Variants in CAPN14 observed in about 807,000 individuals in gnomAD.
The protein encoded by CAPN14 is calpain-14.
A neutral mutation model predicts 101.3 loss-of-function variants in CAPN14; 94 were observed. That is an observed-to-expected ratio of 0.93 (90% CI 0.79 to 1.10). The LOEUF (loss-of-function observed/expected upper bound fraction) is 1.10. Ranked by LOEUF, CAPN14 falls within the 50% of genes least tolerant of loss-of-function variation. The probability of loss-of-function intolerance (pLI) is 0.00; values close to 1 mark genes in which losing one functional copy is unlikely to be tolerated. For missense variants in CAPN14, 837 were observed against 828.4 expected (o/e 1.01, Z -0.13); for synonymous variants, 338 against 317.9 (o/e 1.06, Z -0.67).
chr2:31,221,809 G>C (rs771403724), upstream of CAPN14, among the ~76,000 whole-genome samples: 4 of 152,156 alleles, frequency 2.6e-5, no homozygotes, highest in Non-Finnish European at 5.9e-5. Context: ...AAGTGAATAA[G>C]ACATTGCGAC....
intron 1 of CAPN14, among the ~76,000 whole-genome samples, chr2:31,229,919 T>G (rs1373597208): frequency 6.6e-6 from 1 of 152,320 alleles, no homozygotes; most frequent in South Asian, 2.1e-4. Context: ...ATTAATGAAA[T>G]TGTATGATTC....
chr2:31,179,061 TA>T (rs61407932), intron 17 of CAPN14, among the ~76,000 whole-genome samples: 46,807 of 102,148 alleles, frequency 0.46, 9,316 homozygotes, highest in African/African-American at 0.65. Flanking sequence ...TATTGAGTTC[TA>T]TATATATATA....
In CAPN14 at chr2:31,200,544, G is replaced by A. The variant is rs1681702307; in HGVS notation, c.633C>T (p.Thr211=). Residue 211 remains threonine (T), a synonymous_variant, in exon 6 of 22, where the codon ACC becomes ACT. Coordinates refer to ENST00000403897, the MANE Select transcript of CAPN14 (RefSeq NM_001145122.2). ...LVDFTGGVTM[T]INLAEAHGNL... Reference sequence around the variant, plus strand: ...TGCCATGGGCTTCTGCCAGGTTGATGGTCATTGTCACCCCTCCAGTGAAGT... The same window carrying A: ...TGCCATGGGCTTCTGCCAGGTTGATAGTCATTGTCACCCCTCCAGTGAAGT... 5.8e-6 allele frequency: 9 copies of A among 1,551,470 alleles called. No individual in the cohort carries two copies. Among genetic ancestry groups the A allele is most frequent in the Non-Finnish European group, 7.8e-6 (9 of 1,146,972 alleles).
chr2:31,220,890 A>G (rs1168001360), upstream of CAPN14, among the ~76,000 whole-genome samples: 1 of 152,218 alleles, frequency 6.6e-6, no homozygotes, highest in Non-Finnish European at 1.5e-5. Context: ...GGAGAAGAGA[A>G]GGGCTTTGAT....
chr2:31,193,367 G>T, intron 9 of CAPN14, 73 bp from the exon 10 acceptor site: 4 of 1,447,218 alleles, frequency 2.8e-6, no homozygotes, highest in Non-Finnish European at 3.7e-6. Flanking sequence ...CATGGGGAGG[G>T]TGAAACGGAG....
rs1364248153 is a variant in CAPN14 at position 31,194,410 on chromosome 2, A to G, written c.949T>C (p.Trp317Arg). The G allele has an allele frequency of 1.3e-6, 2 of 1,550,694 alleles. No individual in the cohort carries two copies. Among genetic ancestry groups the G allele is most frequent in the South Asian group, 2.4e-5 (2 of 84,050 alleles). ...LLRKDNDGEFWMTLQDFKTHF... is the reference protein window; with the variant it reads ...LLRKDNDGEFRMTLQDFKTHF... ...TGTCCAAGTCCCTAAGTCCAATACCAGAATTCTCCGTCATTGTCTTTCCTC... is the reference window on the plus strand; with the variant it reads ...TGTCCAAGTCCCTAAGTCCAATACCGGAATTCTCCGTCATTGTCTTTCCTC... The change falls in exon 9 of 22, where the codon TGG becomes CGG. Residue 317 changes from tryptophan (W) to arginine (R), a missense_variant and splice_region_variant. Transcript: ENST00000403897.
chr2:31,180,878 C>T (rs1680558758), intron 17 of CAPN14, 58 bp downstream of exon 17: 1 of 1,420,252 alleles, frequency 7.0e-7, no homozygotes, highest in African/African-American at 1.4e-5. Flanking sequence ...CTCTGCCTAG[C>T]TCCAGAGTGA....
chr2:31,181,113 CGTGGGCTGGGAAGA>C (rs1010514728), intron 16 of CAPN14, 113 bp from the exon 17 acceptor site: 9 of 781,564 alleles, frequency 1.2e-5, no homozygotes, highest in Non-Finnish European at 1.9e-5. Flanking sequence ...CATGTATGTA[CGTGGGCTGGGAAGA>C]GTGAGAATGG....
chr2:31,187,645 A>C, intron 15 of CAPN14, 113 bp downstream of exon 15: 1 of 903,032 alleles, frequency 1.1e-6, no homozygotes, highest in Non-Finnish European at 1.7e-6. Context: ...AGGTAGCCTT[A>C]AATCACAGTT....
Position 31,216,989 on chromosome 2 carries a change from G to A in CAPN14, c.-53+467C>T, listed in dbSNP as rs546163550. On this transcript the variant is annotated intron_variant, in intron 1 of 21. Coordinates refer to ENST00000403897, the MANE Select transcript of CAPN14 (RefSeq NM_001145122.2). ...CTGCTTATCAGAACAGAGAACAGTC[G>A]GCCTCCTTGACTCTGAGGATCCCAT... 7.5e-4 allele frequency among the ~76,000 whole-genome samples: 114 copies of A among 152,206 alleles called. 3 individuals carry two copies. The South Asian group carries it at 0.022, about 30-fold the overall frequency.
chr2:31,173,304 C>T lies in CAPN14; in HGVS notation c.*1377G>A, dbSNP rs570423038. The T allele has an allele frequency of 4.9e-4, 75 of 152,300 alleles. No homozygotes were observed. Among genetic ancestry groups the T allele is most frequent in the African/African-American group, 1.7e-3 (69 of 41,562 alleles). 9.4% of individuals were successfully genotyped at this position (152,300 alleles called of 1,614,324 possible). A position where few individuals can be genotyped will look rare whatever the true frequency, so the allele number is the denominator to read the frequency against. On this transcript the variant is annotated 3_prime_UTR_variant, in exon 22 of 22. Transcript: ENST00000403897. ...AAATACTTTCCTACCCCATAAGCTA[C>T]GCTTTCAAAGTGCTCCTTTCTTCTG...
intron 18 of CAPN14, 151 bp downstream of exon 18, chr2:31,178,360 A>G: frequency 1.5e-6 from 1 of 646,360 alleles, no homozygotes; most frequent in Non-Finnish European, 2.7e-6. Flanking sequence ...GGAAGAGACC[A>G]ATAGAGGAAA....
chr2:31,190,894 C>T (rs1681145404), intron 12 of CAPN14, among the ~76,000 whole-genome samples: 1 of 152,228 alleles, frequency 6.6e-6, no homozygotes, highest in Non-Finnish European at 1.5e-5. Flanking sequence ...CTCCTGGCGG[C>T]CACAGCAGCT....
Position 31,205,479 on chromosome 2 carries a change from C to T in CAPN14, c.-32G>A. ...TGGTGGGTACAGTCCAGTGAGTCTT[C>T]CTGAGGAGTCTCTGCTGCTCCTGAA... On this transcript the variant is annotated 5_prime_UTR_variant, in exon 2 of 22. Transcript: ENST00000403897. The T allele has an allele frequency of 1.3e-6, 2 of 1,505,704 alleles. No homozygotes were observed. The allele number at this position is 1,505,704 out of a possible 1,614,324, so 93.3% of individuals were successfully genotyped here. A position where few individuals can be genotyped will look rare whatever the true frequency, so the allele number is the denominator to read the frequency against.
intron 6 of CAPN14, 45 bp downstream of exon 6, chr2:31,200,404 TGG>T: frequency 6.7e-7 from 1 of 1,495,572 alleles, no homozygotes; most frequent in Non-Finnish European, 9.0e-7. Flanking sequence ...ATGGAGGGCA[TGG>T]GTGCAGGAGA....
chr2:31,197,391 T>C, intron 7 of CAPN14, 57 bp from the exon 8 acceptor site: 1 of 1,206,734 alleles, frequency 8.3e-7, no homozygotes, highest in Non-Finnish European at 1.2e-6. Flanking sequence ...ATTCCAGAGA[T>C]CTGAGTGAGA....
intron 16 of CAPN14, among the ~76,000 whole-genome samples, chr2:31,185,833 C>A (rs1014242835): frequency 6.6e-6 from 1 of 152,164 alleles, no homozygotes; most frequent in African/African-American, 2.4e-5. Context: ...GAAGTTCATT[C>A]GTCTCCCTGA....
chr2:31,232,010 G>C (rs1403535096), intron 1 of CAPN14, among the ~76,000 whole-genome samples: 1 of 152,180 alleles, frequency 6.6e-6, no homozygotes, highest in Non-Finnish European at 1.5e-5. Flanking sequence ...CAGTTTTGGG[G>C]TTCAAGGAGG....
intron 2 of CAPN14, among the ~76,000 whole-genome samples, chr2:31,224,429 C>A (rs961329048): frequency 6.6e-6 from 1 of 151,736 alleles, no homozygotes; most frequent in Non-Finnish European, 1.5e-5. Flanking sequence ...ATCATCATGC[C>A]CAAGCCAAGG....
Sources: gnomAD v4.1 joint callset for allele counts (sites outside exome capture counted in the v4.1 genomes callset) on GRCh38, gnomAD v4.1.1 for gene constraint, MANE v1.5 for transcripts, NCBI Gene and HGNC (gene_info 2026-07-23, HGNC 2026-07-21) for gene names.